The following IP6K3 variants were observed in gnomAD, a reference collection of about 807,000 sequenced individuals.
IP6K3 encodes inositol hexakisphosphate kinase 3.
A neutral mutation model predicts 28.8 loss-of-function variants in IP6K3; 20 were observed. That is an observed-to-expected ratio of 0.70 (90% CI 0.49 to 1.01). The LOEUF is 1.01. Among genes scored for constraint, IP6K3 ranks in the 50% least tolerant of loss-of-function variants. The pLI is 0.00. For missense variants in IP6K3, 480 were observed against 537.1 expected, an observed-to-expected ratio of 0.89 and a Z score of 1.05; for synonymous variants, 213 against 221.3, an observed-to-expected ratio of 0.96 and a Z score of 0.33.
chr6:33,724,776 C>T (rs571354995), intron 5 of IP6K3, among the ~76,000 whole-genome samples: 2 of 152,300 alleles, frequency 1.3e-5, no homozygotes, highest in South Asian at 4.1e-4. Flanking sequence ...CCAAGAAGCC[C>T]TTTCTCTTAG....
In IP6K3 at chr6:33,744,284, C is replaced by T. The variant is rs1332870302; in HGVS notation, c.-180+2474G>A. ...CAGACCTGCCTACACATTTCCCAGC[C>T]TCCAACACCCTGCCCCACACCTGCT... On this transcript the variant is annotated intron_variant, in intron 1 of 5. Transcript: ENST00000293756. The surrounding 1 kb of genome is among the most constrained non-coding windows in gnomAD (Gnocchi z 4.4). Among the ~76,000 whole-genome samples, 2 of 152,204 alleles carry T rather than the reference C, an allele frequency of 1.3e-5. No homozygotes were observed. The highest frequency in any genetic ancestry group is 2.9e-5 in the Non-Finnish European group (2 of 68,046).
rs1182786235 is a variant in IP6K3, at chr6:33,744,374, C to A, written c.-180+2384G>T. On this transcript the variant is annotated intron_variant, in intron 1 of 5. Coordinates refer to ENST00000293756, the MANE Select transcript of IP6K3 (RefSeq NM_054111.5). This position sits in a 1 kb window ranked among gnomAD's most constrained non-coding sequence, Gnocchi z 4.4. The stretch of plus-strand genomic sequence containing the variant: ...GTGCAAGAGACCTATGAGCCACAGA[C>A]GTAAGGTGTTGCCAGCGGTTAGCAT... Among the ~76,000 whole-genome samples, 1 of 152,162 alleles carries A rather than the reference C, an allele frequency of 6.6e-6. No individual in the cohort carries two copies.
chr6:33,749,108 G>A (rs150559965), upstream of IP6K3, among the ~76,000 whole-genome samples: 263 of 152,168 alleles, frequency 1.7e-3, no homozygotes, highest in African/African-American at 6.2e-3. Flanking sequence ...AACCACCACA[G>A]GGATGAGCAG....
intron 1 of IP6K3, among the ~76,000 whole-genome samples, chr6:33,737,063 T>C (rs1766552509): frequency 6.6e-6 from 1 of 152,092 alleles, no homozygotes; most frequent in South Asian, 2.1e-4. Flanking sequence ...ATGCGCAGGG[T>C]TGCGGCTGGC....
intron 2 of IP6K3, among the ~76,000 whole-genome samples, chr6:33,728,848 C>G (rs1766219876): frequency 6.6e-6 from 1 of 152,212 alleles, no homozygotes; most frequent in Non-Finnish European, 1.5e-5. Context: ...CCTCTCACAG[C>G]CTTCCAGGGC....
At chr6:33,739,501 G>A (rs1040402647) in intron 1 of IP6K3, among the ~76,000 whole-genome samples, 4 of 152,208 alleles carry the variant, frequency 2.6e-5, no homozygotes, top group Non-Finnish European at 5.9e-5. Context: ...CGCTGCTCGG[G>A]AAGGCAGTCT....
the IP6K3 span, among the ~76,000 whole-genome samples, chr6:33,751,964 G>T: frequency 6.6e-6 from 1 of 152,166 alleles, no homozygotes; most frequent in Non-Finnish European, 1.5e-5. This position sits in a 1 kb window ranked among gnomAD's most constrained non-coding sequence, Gnocchi z 4.3. Flanking sequence ...TCCCAGCAGC[G>T]CTGGGTCATT....
At chr6:33,756,442 G>T in the IP6K3 span, among the ~76,000 whole-genome samples, 3 of 152,040 alleles carry the variant, frequency 2.0e-5, no homozygotes, top group African/African-American at 7.3e-5. Context: ...GAAGCCAGGG[G>T]AGAGAGGTAG....
the IP6K3 span, among the ~76,000 whole-genome samples, chr6:33,755,527 A>G: frequency 6.6e-6 from 1 of 152,266 alleles, no homozygotes; most frequent in African/African-American, 2.4e-5. Context: ...GAGAGCAAAT[A>G]GAAATACCAG....
the IP6K3 span, among the ~76,000 whole-genome samples, chr6:33,754,848 T>C: frequency 6.6e-6 from 1 of 152,196 alleles, no homozygotes; most frequent in Admixed American, 6.5e-5. Context: ...AAGCCCTTAT[T>C]ATGTGCCAGG....
rs937134041 is a variant in IP6K3, at chr6:33,742,189, C to G, written c.-180+4569G>C. On this transcript the variant is annotated intron_variant, in intron 1 of 5. Transcript: ENST00000293756. This position sits in a 1 kb window ranked among gnomAD's most constrained non-coding sequence, Gnocchi z 4.5. ...TCCCGGGGTCCAGAGCTATCAGGCA[C>G]CAATGCTGGGACTCGGCCGTGATGA... Among the ~76,000 whole-genome samples the G allele has an allele frequency of 6.6e-6, 1 of 152,130 alleles. No individual in the cohort carries two copies. Among genetic ancestry groups the G allele is most frequent in the Non-Finnish European group, 1.5e-5 (1 of 68,028 alleles).
At chr6:33,756,294 C>T in the IP6K3 span, among the ~76,000 whole-genome samples, 7 of 152,102 alleles carry the variant, frequency 4.6e-5, no homozygotes, top group Non-Finnish European at 7.4e-5. Context: ...GAAGGCCTGG[C>T]GGAGGTGTCT....
At chr6:33,762,023 G>A in the IP6K3 span, among the ~76,000 whole-genome samples, 30 of 152,180 alleles carry the variant, frequency 2.0e-4, no homozygotes, top group African/African-American at 6.5e-4. Context: ...TGGTCAGCAG[G>A]CCCCATGTTG....
At chr6:33,757,594 G>A in the IP6K3 span, among the ~76,000 whole-genome samples, 3 of 152,178 alleles carry the variant, frequency 2.0e-5, no homozygotes, top group East Asian at 5.8e-4. Context: ...TGCAGCACCT[G>A]CTAGGTACCA....
chr6:33,726,904 G>C lies in IP6K3; in HGVS notation c.416C>G (p.Pro139Arg), dbSNP rs770106812. ...CTCGGACCTCAGAAGAGCCTTGGCC[G>C]GGCTGCGGCGGAGTGGAGCACAGGA... ...AQLARSPKES[P>R]AKALLRSEPH... Residue 139 changes from proline (P) to arginine (R), a missense_variant and splice_region_variant, in exon 4 of 6, where the codon CCG becomes CGG. Coordinates refer to ENST00000293756, the MANE Select transcript of IP6K3 (RefSeq NM_054111.5). 6.3e-6 allele frequency: 10 copies of C among 1,597,150 alleles called. No homozygotes were observed. The South Asian group carries it at 1.1e-4, about 18-fold the overall frequency.
intron 1 of IP6K3, among the ~76,000 whole-genome samples, chr6:33,741,538 C>T (rs577535135): frequency 3.4e-5 from 5 of 145,154 alleles, no homozygotes; most frequent in Admixed American, 7.2e-5. Flanking sequence ...CCCAGCTACT[C>T]GGGAGGCTGA....
At position 33,726,789 on chromosome 6, in the gene IP6K3, T is replaced by C; in HGVS notation, c.531A>G (p.Gln177=). The C allele has an allele frequency of 6.2e-7, 1 of 1,611,950 alleles. No individual in the cohort carries two copies. The highest frequency in any genetic ancestry group is 1.1e-5 in the South Asian group (1 of 90,916). The part of the protein sequence containing the change: ...ERKSFNPWGL[Q]CHQAHLTRLC... ...GGCGGGTCAGGTGGGCCTGGTGGCA[T>C]TGCAGGCCCCACGGGTTGAAGCTCT... The change falls in exon 4 of 6, where the codon CAA becomes CAG. Residue 177 remains glutamine (Q), a synonymous_variant. Coordinates refer to ENST00000293756, the MANE Select transcript of IP6K3 (RefSeq NM_054111.5).
intron 4 of IP6K3, among the ~76,000 whole-genome samples, chr6:33,726,188 T>C (rs570058): frequency 0.96 from 145,625 of 152,252 alleles, 69,782 homozygotes; most frequent in Non-Finnish European, 0.99. Context: ...TAAATTTTCT[T>C]CCTGAAAACT....
the IP6K3 span, among the ~76,000 whole-genome samples, chr6:33,761,598 G>T: frequency 1.3e-5 from 2 of 152,010 alleles, no homozygotes; most frequent in African/African-American, 4.8e-5. Context: ...CCAGTAGTAG[G>T]CTCTGGGGGC....
Sources: allele counts gnomAD v4.1 joint callset (sites outside exome capture counted in the v4.1 genomes callset), GRCh38; gene constraint gnomAD v4.1.1; non-coding constraint Gnocchi (gnomAD v3.1); transcripts MANE v1.5; gene names NCBI Gene and HGNC (gene_info 2026-07-23, HGNC 2026-07-21).